Variants in ESRRB observed in about 807,000 individuals in gnomAD.
ESRRB encodes the protein estrogen related receptor beta.
ESRRB carries 16 observed loss-of-function variants against 46.0 expected under a neutral mutation model. The ratio of observed to expected loss-of-function variants is 0.35; its 90% CI spans 0.24 to 0.53. The LOEUF (loss-of-function observed/expected upper bound fraction) is 0.53, where lower values mean the gene tolerates loss of function less well. Ranked by LOEUF, ESRRB falls within the 20% of genes least tolerant of loss-of-function variation. The probability of loss-of-function intolerance (pLI) is 0.93; values close to 1 mark genes in which losing one functional copy is unlikely to be tolerated. For missense variants in ESRRB, 488 were observed against 607.4 expected (o/e 0.80, Z 2.07); for synonymous variants, 246 against 259.6 (o/e 0.95, Z 0.50).
At chr14:76,477,000 G>A (rs1388534438) in intron 3 of ESRRB, among the ~76,000 whole-genome samples, 3 of 152,250 alleles carry the variant, frequency 2.0e-5, no homozygotes, top group Non-Finnish European at 2.9e-5. Context: ...GCTGAGGCAT[G>A]AGAATGGCTT....
intron 1 of ESRRB, among the ~76,000 whole-genome samples, chr14:76,413,915 CT>C (rs1159470507): frequency 3.2e-5 from 3 of 92,372 alleles, no homozygotes; most frequent in African/African-American, 8.9e-5. Flanking sequence ...CCTGCACCGT[CT>C]CCCGCCCCTG....
intron 1 of ESRRB, among the ~76,000 whole-genome samples, chr14:76,357,194 A>T (rs1032318783): frequency 6.6e-6 from 1 of 152,276 alleles, no homozygotes; most frequent in Non-Finnish European, 1.5e-5. Context: ...AGAGAGAAGA[A>T]TCTATATCCA....
At chr14:76,315,497 CG>C (rs1446024473) in intron 1 of ESRRB, among the ~76,000 whole-genome samples, 1 of 152,170 alleles carries the variant, frequency 6.6e-6, no homozygotes, top group African/African-American at 2.4e-5. Flanking sequence ...ACTTGAGTTA[CG>C]AAACCCCTCA....
At chr14:76,342,158 A>G (rs935524254) in intron 1 of ESRRB, among the ~76,000 whole-genome samples, 2 of 152,308 alleles carry the variant, frequency 1.3e-5, no homozygotes, top group Admixed American at 6.5e-5. Context: ...GGGCTAACAC[A>G]CAGGCCCTAT....
chr14:76,381,378 T>C (rs1885009824), intron 1 of ESRRB, among the ~76,000 whole-genome samples: 1 of 152,064 alleles, frequency 6.6e-6, no homozygotes, highest in Non-Finnish European at 1.5e-5. Context: ...CCTTCTCTAA[T>C]AATGGCAGGG....
chr14:76,325,207 T>C (rs1318820371), intron 1 of ESRRB, among the ~76,000 whole-genome samples: 2 of 152,148 alleles, frequency 1.3e-5, no homozygotes, highest in Non-Finnish European at 2.9e-5. Context: ...CCGCCCACCT[T>C]GGCCTCCCAA....
chr14:76,481,627 C>G (rs778734384), intron 3 of ESRRB, among the ~76,000 whole-genome samples: 2 of 152,170 alleles, frequency 1.3e-5, no homozygotes, highest in Admixed American at 1.3e-4. Flanking sequence ...TGTGAATGAC[C>G]GGGATTCCTT....
chr14:76,365,579 A>G (rs111658026), intron 1 of ESRRB, among the ~76,000 whole-genome samples: 3,407 of 152,304 alleles, frequency 0.022, 126 homozygotes, highest in African/African-American at 0.078. Flanking sequence ...AAGTGTGCCT[A>G]AGCGAGCTTG....
rs1007266091 is a variant in ESRRB at position 76,500,291 on chromosome 14, G to A, written c.*1833G>A. 1.5e-5 allele frequency: 9 copies of A among 596,116 alleles called. No individual in the cohort carries two copies. The highest frequency in any genetic ancestry group is 5.6e-5 in the African/African-American group (3 of 53,826). The allele number at this position is 596,116 out of a possible 1,614,324, so 36.9% of individuals were successfully genotyped here. ...TCCCAGACCAGTGATGTGTCCCTCC[G>A]GCTCCCCTTGCCTGTGGGGAATCGG... On this transcript the variant is annotated 3_prime_UTR_variant, in exon 7 of 7. Coordinates refer to ENST00000644823, the MANE Select transcript of ESRRB (RefSeq NM_001379180.1).
chr14:76,324,549 A>C (rs1883905260), intron 1 of ESRRB, among the ~76,000 whole-genome samples: 1 of 152,138 alleles, frequency 6.6e-6, no homozygotes, highest in Non-Finnish European at 1.5e-5. Context: ...ATGAGCTTCC[A>C]TCTCTCTCCA....
intron 2 of ESRRB, among the ~76,000 whole-genome samples, chr14:76,452,662 A>AAAAAAAG (rs1566906589): frequency 6.7e-6 from 1 of 149,918 alleles, no homozygotes; most frequent in African/African-American, 2.5e-5. Context: ...ACAAAAAAAA[A>AAAAAAAG]GGTGGATTCA....
intron 2 of ESRRB, among the ~76,000 whole-genome samples, chr14:76,449,474 C>G (rs1888288805): frequency 6.6e-6 from 1 of 151,974 alleles, no homozygotes; most frequent in Non-Finnish European, 1.5e-5. Flanking sequence ...TTGTTTGAAC[C>G]CGGGAGGCGG....
chr14:76,407,467 CTT>C, intron 1 of ESRRB: 2 of 907,502 alleles, frequency 2.2e-6, no homozygotes, highest in South Asian at 5.1e-5. Context: ...ATCCTCTGAC[CTT>C]GACTTTGGTT....
intron 1 of ESRRB, among the ~76,000 whole-genome samples, chr14:76,392,686 C>T (rs1595073901): frequency 6.6e-6 from 1 of 152,210 alleles, no homozygotes; most frequent in African/African-American, 2.4e-5. Context: ...GAAAGGGGAG[C>T]GCAGACCCTG....
At chr14:76,369,109 A>G (rs771529953), upstream of ESRRB, among the ~76,000 whole-genome samples, 21 of 151,192 alleles carry the variant, frequency 1.4e-4, no homozygotes, top group Non-Finnish European at 2.5e-4. Context: ...AGGCAGGAGA[A>G]TCGCTTGAAC....
intron 1 of ESRRB, among the ~76,000 whole-genome samples, chr14:76,318,563 T>C (rs1883829500): frequency 6.6e-6 from 1 of 152,174 alleles, no homozygotes; most frequent in African/African-American, 2.4e-5. Context: ...AGTTGTGACC[T>C]TGGGCAACTG....
At chr14:76,431,971 G>C (rs775506852) in intron 1 of ESRRB, among the ~76,000 whole-genome samples, 1 of 152,168 alleles carries the variant, frequency 6.6e-6, no homozygotes. Context: ...AGGCCTAGAC[G>C]CCGTCTCCCA....
Position 76,499,174 on chromosome 14 carries a change from CCTGA to C in ESRRB, c.*718_*721del. The C allele has an allele frequency of 3.3e-6, 1 of 302,758 alleles. No individual in the cohort carries two copies. The allele number at this position is 302,758 out of a possible 1,614,324, so 18.8% of individuals were successfully genotyped here. A position where few individuals can be genotyped will look rare whatever the true frequency, so the allele number is the denominator to read the frequency against. On this transcript the variant is annotated 3_prime_UTR_variant, in exon 7 of 7. Transcript: ENST00000644823. ...TCCCCCCGGGAGTCCCCCGCTACTT[CCTGA>C]CCCTACCTCAGAGCTCACTCACCCA...
At chr14:76,407,495 G>A (rs761624901) in intron 1 of ESRRB, 119 of 971,874 alleles carry the variant, frequency 1.2e-4, no homozygotes, top group Admixed American at 1.8e-4. Flanking sequence ...ACCAGAGTCT[G>A]GTATCTAAGT....
Sources: gnomAD v4.1 joint callset for allele counts (sites outside exome capture counted in the v4.1 genomes callset) on GRCh38, gnomAD v4.1.1 for gene constraint, MANE v1.5 for transcripts, NCBI Gene and HGNC (gene_info 2026-07-23, HGNC 2026-07-21) for gene names.